CDH4: variants seen among roughly 807,000 people sequenced by gnomAD.
CDH4 encodes the protein cadherin 4, also known as cadherin-4.
CDH4 carries 33 observed loss-of-function variants against 86.0 expected under a neutral mutation model. The observed-to-expected ratio is 0.38, with a 90% confidence interval of 0.29 to 0.51. CDH4 has a LOEUF of 0.51. CDH4 is among the 20% of genes least tolerant of loss of function. The pLI is 0.86. For synonymous variants in CDH4, 555 were observed against 549.4 expected (o/e 1.01, Z -0.14); for missense variants, 1,114 against 1,307.4 (o/e 0.85, Z 2.28).
At chr20:61,471,115 T>A (rs1027658465) in intron 2 of CDH4, among the ~76,000 whole-genome samples, 5 of 152,080 alleles carry the variant, frequency 3.3e-5, no homozygotes, top group South Asian at 4.1e-4. Context: ...AGGATTGATA[T>A]TAGTTCTTTA....
At chr20:61,299,094 A>G (rs1052562052) in intron 2 of CDH4, among the ~76,000 whole-genome samples, 2 of 152,186 alleles carry the variant, frequency 1.3e-5, no homozygotes, top group African/African-American at 4.8e-5. Flanking sequence ...GTCTTTGTAG[A>G]TGGAATCAAG....
At chr20:61,759,236 A>G (rs138792096) in intron 3 of CDH4, among the ~76,000 whole-genome samples, 39 of 152,334 alleles carry the variant, frequency 2.6e-4, no homozygotes, top group Non-Finnish European at 4.9e-4. Flanking sequence ...GTTTCACTCC[A>G]AGGCCATGGC....
At chr20:61,749,982 A>G (rs1297434985) in intron 3 of CDH4, among the ~76,000 whole-genome samples, 1 of 152,064 alleles carries the variant, frequency 6.6e-6, no homozygotes, top group East Asian at 1.9e-4. Flanking sequence ...AATTGCTCGA[A>G]CCCAGGGGAC....
At chr20:61,410,165 T>C (rs1473417340) in intron 2 of CDH4, among the ~76,000 whole-genome samples, 2 of 152,232 alleles carry the variant, frequency 1.3e-5, no homozygotes, top group African/African-American at 4.8e-5. Flanking sequence ...GCCTTTCCTA[T>C]ATGTTATTAG....
In CDH4 at chr20:61,378,033, G is replaced by A. The variant is rs762686653; in HGVS notation, c.169+123096G>A. Among the ~76,000 whole-genome samples the A allele has an allele frequency of 1.1e-4, 16 of 152,126 alleles. 1 individual carries two copies. The highest frequency in any genetic ancestry group is 3.3e-4 in the Admixed American group (5 of 15,270). On this transcript the variant is annotated intron_variant, in intron 2 of 15. Coordinates refer to ENST00000614565, the MANE Select transcript of CDH4 (RefSeq NM_001794.5). Reference sequence around the variant, plus strand: ...CTTTGAGAGGCCGAGGTGGGCGATCGCTTGAGCCCAGGACTTCAAGACCAG... The same window carrying A: ...CTTTGAGAGGCCGAGGTGGGCGATCACTTGAGCCCAGGACTTCAAGACCAG...
In CDH4 at chr20:61,928,196, C is replaced by T; in HGVS notation, c.1778C>T (p.Pro593Leu). The T allele has an allele frequency of 1.9e-6, 3 of 1,599,962 alleles. No homozygotes were observed. Among genetic ancestry groups the T allele is most frequent in the Middle Eastern group, 1.6e-4 (1 of 6,062 alleles). The change falls in exon 12 of 16, where the codon CCC (proline) becomes CTC (leucine). Residue 593 changes from proline to leucine, a missense_variant. By Grantham distance (98) the Pro-to-Leu change is moderately conservative. Transcript: ENST00000614565. ...ATFLAADNGI[P>L]PASGTGTLQI... ...ACCTGTGTCTGTTCCACAGGGATAC[C>T]CCCGGCCAGCGGCACCGGGACCCTC...
At chr20:61,634,673 A>T (rs1332194765) in intron 2 of CDH4, among the ~76,000 whole-genome samples, 1 of 152,212 alleles carries the variant, frequency 6.6e-6, no homozygotes, top group Non-Finnish European at 1.5e-5. Context: ...AACTACACTT[A>T]ACATAAGCGT....
intron 2 of CDH4, among the ~76,000 whole-genome samples, chr20:61,651,064 T>C (rs2087115423): frequency 6.6e-6 from 1 of 152,094 alleles, no homozygotes; most frequent in East Asian, 1.9e-4. Flanking sequence ...TGTGAGTGAG[T>C]TAGCGCCGTG....
intron 2 of CDH4, among the ~76,000 whole-genome samples, chr20:61,312,092 G>A (rs2084448780): frequency 6.6e-6 from 1 of 151,280 alleles, no homozygotes; most frequent in Admixed American, 6.6e-5. Flanking sequence ...GTATATGTAT[G>A]TGCATGTGTG....
chr20:61,282,920 A>G (rs1255778172), intron 2 of CDH4, among the ~76,000 whole-genome samples: 6 of 141,782 alleles, frequency 4.2e-5, no homozygotes, highest in East Asian at 2.3e-4. Context: ...TGTGTGATGT[A>G]CGTGCATTTG....
At position 61,708,085 on chromosome 20, in the gene CDH4, C is replaced by T. The variant is rs1032979046; in HGVS notation, c.170-35478C>T. On this transcript the variant is annotated intron_variant, in intron 2 of 15. Transcript: ENST00000614565. The surrounding 1 kb of genome is among the most constrained non-coding windows in gnomAD (Gnocchi z 4.5). ...CCCTGGACCCAGGACCTGGGCTCTG[C>T]TGGGGGTCCCGGGCTGTGGCGCGTC... 6.6e-6 allele frequency among the ~76,000 whole-genome samples: 1 copy of T among 152,110 alleles called. No homozygotes were observed. Among genetic ancestry groups the T allele is most frequent in the African/African-American group, 2.4e-5 (1 of 41,424 alleles).
intron 2 of CDH4, among the ~76,000 whole-genome samples, chr20:61,519,781 G>T (rs898909531): frequency 8.5e-5 from 13 of 152,220 alleles, no homozygotes; most frequent in Admixed American, 2.0e-4. Context: ...CGTGGTGGTG[G>T]TATAATCCCC....
chr20:61,281,942 G>C (rs2084261155), intron 2 of CDH4, among the ~76,000 whole-genome samples: 1 of 152,232 alleles, frequency 6.6e-6, no homozygotes, highest in African/African-American at 2.4e-5. Flanking sequence ...CCAAACCGAT[G>C]TGAAGGGAGT....
Position 61,565,252 on chromosome 20 carries a change from T to C in CDH4, c.170-178311T>C, listed in dbSNP as rs866188098. ...GTGGTGGTGGTGGTGGCGGTGCTCT[T>C]GGTGATGGTGGTGGTGGTCCTCTTG... On this transcript the variant is annotated intron_variant, in intron 2 of 15. Coordinates refer to ENST00000614565, the MANE Select transcript of CDH4 (RefSeq NM_001794.5). Among the ~76,000 whole-genome samples the C allele has an allele frequency of 2.4e-3, 186 of 77,158 alleles. 21 individuals are homozygous for C. The highest frequency in any genetic ancestry group is 3.8e-3 in the Admixed American group (27 of 7,124). 50.6% of individuals were successfully genotyped at this position (77,158 alleles called of 152,430 possible).
intron 8 of CDH4, among the ~76,000 whole-genome samples, chr20:61,899,674 A>G (rs1985295402): frequency 2.0e-5 from 3 of 152,170 alleles, no homozygotes; most frequent in South Asian, 4.1e-4. Flanking sequence ...TGATCCGCCC[A>G]CCTCGGCCTC....
At chr20:61,917,950 G>T (rs545666875) in intron 9 of CDH4, among the ~76,000 whole-genome samples, 1 of 152,194 alleles carries the variant, frequency 6.6e-6, no homozygotes, top group Non-Finnish European at 1.5e-5. Context: ...CCATGTCCCC[G>T]GGAACATGAG....
At chr20:61,764,429 G>A (rs796951015) in intron 3 of CDH4, among the ~76,000 whole-genome samples, 21 of 152,280 alleles carry the variant, frequency 1.4e-4, no homozygotes, top group African/African-American at 4.8e-4. Context: ...GTATCCCTGG[G>A]AAGAGAGAGG....
At position 61,934,125 on chromosome 20, in the gene CDH4, C is replaced by T. The variant is rs759379228; in HGVS notation, c.2449C>T (p.Arg817Cys). Residue 817 changes from arginine to cysteine, a missense_variant, in exon 15 of 16, where the codon CGT (arginine) becomes TGT (cysteine). This residue lies in a region of CDH4 where 188 missense variants were observed against 183.8 expected (regional missense o/e 1.02). Transcript: ENST00000614565. ...CGTGCCAAGCAAAGCCCCTGGCGTG[C>T]GTCGCGTGGATGAGCGGCCGGTGGG... is the stretch of plus-strand genomic sequence containing the variant. Reference protein sequence around the residue: ...GHVPSKAPGVRRVDERPVGAE... With the variant: ...GHVPSKAPGVCRVDERPVGAE... The T allele has an allele frequency of 1.6e-5, 26 of 1,611,166 alleles. No individual in the cohort carries two copies. The highest frequency in any genetic ancestry group is 4.4e-5 in the South Asian group (4 of 90,930).
intron 2 of CDH4, among the ~76,000 whole-genome samples, chr20:61,559,348 T>A (rs1469647674): frequency 6.6e-6 from 1 of 151,748 alleles, no homozygotes; most frequent in Non-Finnish European, 1.5e-5. Flanking sequence ...TAAAAAGTAT[T>A]GCTGCTCGTT....
Sources: allele counts gnomAD v4.1 joint callset (sites outside exome capture counted in the v4.1 genomes callset), GRCh38; gene constraint gnomAD v4.1.1; regional missense constraint gnomAD v4.1.1; non-coding constraint Gnocchi (gnomAD v3.1); transcripts MANE v1.5; gene names NCBI Gene and HGNC (gene_info 2026-07-23, HGNC 2026-07-21).